Variants in PCTP observed in about 807,000 individuals in gnomAD.
The protein encoded by PCTP is phosphatidylcholine transfer protein, also known as START domain-containing protein 2.
Under a neutral mutation model 31.0 loss-of-function variants are expected in PCTP, and 27 were observed. The observed-to-expected ratio is 0.87, with a 90% CI of 0.64 to 1.20. The LOEUF (loss-of-function observed/expected upper bound fraction) is 1.20, where lower values mean the gene tolerates loss of function less well. Ranked by LOEUF, PCTP falls within the 50% of genes most tolerant of loss-of-function variation. The pLI is 0.00. For missense variants in PCTP, 287 were observed against 268.2 expected (o/e 1.07, Z -0.49); for synonymous variants, 108 against 101.2 (o/e 1.07, Z -0.40).
At chr17:55,754,106 C>T (rs1240176554) in intron 1 of PCTP, among the ~76,000 whole-genome samples, 2 of 152,164 alleles carry the variant, frequency 1.3e-5, no homozygotes, top group Non-Finnish European at 2.9e-5. Flanking sequence ...GTCAGTTTTG[C>T]GGTGGACGTC....
At chr17:55,797,560 C>T (rs1242550453) in intron 3 of PCTP, among the ~76,000 whole-genome samples, 1 of 151,952 alleles carries the variant, frequency 6.6e-6, no homozygotes, top group African/African-American at 2.4e-5. Context: ...GAGGCACTTA[C>T]TCATTAAATC....
intron 5 of PCTP, chr17:55,775,769 T>C (rs1911294773): frequency 1.6e-6 from 2 of 1,260,174 alleles, no homozygotes; most frequent in South Asian, 6.6e-5. Context: ...CCAGAAACAC[T>C]GTTTCAGAAA....
At chr17:55,775,935 T>C in intron 5 of PCTP, 100 bp from the exon 6 acceptor site, 1 of 1,513,798 alleles carries the variant, frequency 6.6e-7, no homozygotes, top group Non-Finnish European at 8.8e-7. Flanking sequence ...TTCATTTTTG[T>C]TCGTCCTAAA....
At chr17:55,835,801 C>G (rs1034507872) in intron 5 of PCTP, among the ~76,000 whole-genome samples, 1 of 152,178 alleles carries the variant, frequency 6.6e-6, no homozygotes, top group African/African-American at 2.4e-5. Context: ...AGTAGGACGT[C>G]TTTCTCTTGA....
downstream of PCTP, among the ~76,000 whole-genome samples, chr17:55,825,126 C>G (rs1015669197): frequency 1.3e-5 from 2 of 151,980 alleles, no homozygotes; most frequent in African/African-American, 4.8e-5. Context: ...AATTAATGAC[C>G]CTTTGTCCAA....
At chr17:55,825,048 T>A (rs1055551582), downstream of PCTP, among the ~76,000 whole-genome samples, 1 of 152,232 alleles carries the variant, frequency 6.6e-6, no homozygotes, top group African/African-American at 2.4e-5. Flanking sequence ...AAGAGTGGGC[T>A]CATCCCCACC....
chr17:55,753,399 T>C (rs1393877963), intron 1 of PCTP, among the ~76,000 whole-genome samples: 2 of 152,236 alleles, frequency 1.3e-5, no homozygotes, highest in Non-Finnish European at 2.9e-5. Flanking sequence ...ATTTATTGCA[T>C]GATTTCTTAT....
chr17:55,837,849 AT>A (rs1905827608), intron 5 of PCTP, among the ~76,000 whole-genome samples: 1 of 152,142 alleles, frequency 6.6e-6, no homozygotes, highest in African/African-American at 2.4e-5. Flanking sequence ...TCTTTTCAAA[AT>A]GCAAGCTGAG....
At chr17:55,753,436 T>C (rs1395806186) in intron 1 of PCTP, among the ~76,000 whole-genome samples, 1 of 152,226 alleles carries the variant, frequency 6.6e-6, no homozygotes, top group Non-Finnish European at 1.5e-5. Context: ...GTTTTGGAAG[T>C]ATTGATTTAC....
In PCTP at chr17:55,773,731, A is replaced by G. The variant is rs774997408; in HGVS notation, c.347A>G (p.Tyr116Cys). 5 of 1,612,504 alleles carry G rather than the reference A, an allele frequency of 3.1e-6. No individual in the cohort carries two copies. In the African/African-American group the frequency reaches 4.0e-5, roughly 13 times the overall value. ...CCTTAACTGGCTATGCAGTATGTCT[A>G]CCTTCGGCAGCGGCGAGACCTGGAC... The part of the protein sequence containing the change: ...PFPMSNRDYV[Y>C]LRQRRDLDME... Residue 116 changes from tyrosine to cysteine, a missense_variant, in exon 4 of 6, where the codon TAC becomes TGC. Tyr to Cys is a radical substitution (Grantham distance 194). Transcript: ENST00000268896.
Position 55,776,838 on chromosome 17 carries a change from T to C in PCTP, c.*738T>C, listed in dbSNP as rs1477395361. 2.0e-6 allele frequency: 2 copies of C among 1,010,140 alleles called. No individual in the cohort carries two copies. Among genetic ancestry groups the C allele is most frequent in the East Asian group, 1.9e-4 (2 of 10,494 alleles). The allele number at this position is 1,010,140 out of a possible 1,614,324, so 62.6% of individuals were successfully genotyped here. On this transcript the variant is annotated 3_prime_UTR_variant, in exon 6 of 6. Transcript: ENST00000268896. ...AAATGGATGATTTCTCTTTTCCATA[T>C]GTCACTGGGGGAAAGGCTGCCTGTA...
chr17:55,807,091 C>T (rs960572968), intron 3 of PCTP, among the ~76,000 whole-genome samples: 2 of 152,148 alleles, frequency 1.3e-5, no homozygotes, highest in African/African-American at 4.8e-5. Context: ...AAGTTTCCTT[C>T]TGATTTCCAG....
intron 1 of PCTP, among the ~76,000 whole-genome samples, chr17:55,754,039 A>G (rs1020075992): frequency 1.2e-4 from 18 of 152,204 alleles, no homozygotes; most frequent in Admixed American, 2.0e-4. Context: ...ACACAGAAGC[A>G]CAGAAGACTC....
chr17:55,771,155 G>A lies in PCTP; in HGVS notation c.309G>A (p.Val103=), dbSNP rs1226465006. 6.2e-7 allele frequency: 1 copy of A among 1,613,054 alleles called. No homozygotes were observed. The highest frequency in any genetic ancestry group is 8.5e-7 in the Non-Finnish European group (1 of 1,179,020). Residue 103 remains valine, a synonymous_variant, in exon 3 of 6, where the codon GTG becomes GTA. Transcript: ENST00000268896. ...CNGETVVYWE[V]KYPFPMSNRD... is the part of the protein sequence containing the mutation. Reference sequence around the variant, plus strand: ...GAGAGACTGTGGTCTACTGGGAAGTGAAGTACCCTTTTCCCATGTCCAACA... The same window carrying A: ...GAGAGACTGTGGTCTACTGGGAAGTAAAGTACCCTTTTCCCATGTCCAACA...
intron 3 of PCTP, among the ~76,000 whole-genome samples, chr17:55,788,386 T>C (rs78807870): frequency 0.027 from 4,095 of 152,290 alleles, 185 homozygotes; most frequent in African/African-American, 0.094. Context: ...ACTAACTGAT[T>C]AGAGACCATA....
At chr17:55,828,157 C>A (rs1005835148) in intron 5 of PCTP, among the ~76,000 whole-genome samples, 2 of 152,124 alleles carry the variant, frequency 1.3e-5, no homozygotes, top group East Asian at 3.9e-4. Flanking sequence ...AAGTTTCCTA[C>A]GTGAGAAAGG....
chr17:55,805,609 T>TAC (rs1326156191), intron 3 of PCTP, among the ~76,000 whole-genome samples: 2 of 152,038 alleles, frequency 1.3e-5, no homozygotes, highest in East Asian at 1.9e-4. Context: ...TACATATATA[T>TAC]ACACACACAT....
At chr17:55,773,946 A>G (rs1255683893) in intron 4 of PCTP, 51 bp downstream of exon 4, 1 of 1,523,938 alleles carries the variant, frequency 6.6e-7, no homozygotes, top group Non-Finnish European at 8.8e-7. Flanking sequence ...CCCCCACGGG[A>G]GGGCCAGGCT....
At chr17:55,804,285 C>T (rs1308877544) in intron 3 of PCTP, among the ~76,000 whole-genome samples, 1 of 152,176 alleles carries the variant, frequency 6.6e-6, no homozygotes, top group Non-Finnish European at 1.5e-5. Flanking sequence ...ATTAGTTCAA[C>T]AATTGTGGAA....
Sources: gnomAD v4.1 joint callset for allele counts (sites outside exome capture counted in the v4.1 genomes callset) on GRCh38, gnomAD v4.1.1 for gene constraint, MANE v1.5 for transcripts, NCBI Gene and HGNC (gene_info 2026-07-23, HGNC 2026-07-21) for gene names.